ZNF385D: variants seen among roughly 807,000 people sequenced by gnomAD.
ZNF385D encodes the protein zinc finger protein 385D, also known as zinc finger protein 659.
In ZNF385D, 15 loss-of-function variants were observed where a neutral mutation model predicts 35.8. The observed-to-expected ratio is 0.42, with a 90% CI of 0.28 to 0.64. ZNF385D has a LOEUF of 0.64. Ranked by LOEUF, ZNF385D falls within the 30% of genes least tolerant of loss-of-function variation. ZNF385D has a pLI of 0.23. For missense variants in ZNF385D, 474 were observed against 494.6 expected (o/e 0.96, Z 0.39); for synonymous variants, 212 against 186.8 (o/e 1.13, Z -1.10).
intron 2 of ZNF385D, among the ~76,000 whole-genome samples, chr3:21,593,343 A>G (rs1390806100): frequency 6.6e-6 from 1 of 152,120 alleles, no homozygotes; most frequent in Non-Finnish European, 1.5e-5. Flanking sequence ...CTCACTTCCT[A>G]GACAAATCTT....
chr3:22,170,627 T>C lies in ZNF385D; in HGVS notation c.107-1592A>G, dbSNP rs145857228. On this transcript the variant is annotated intron_variant, in intron 2 of 5. Coordinates refer to the ZNF385D transcript ENST00000494108. ...AAATAATTTAAATATGCAATTTAAATGGTCATTTTAAAAGAAAATTTATAG... is the reference window on the plus strand; with the variant it reads ...AAATAATTTAAATATGCAATTTAAACGGTCATTTTAAAAGAAAATTTATAG... 5.6e-3 allele frequency among the ~76,000 whole-genome samples: 849 copies of C among 152,302 alleles called. 4 individuals are homozygous for C. The highest frequency in any genetic ancestry group is 0.019 in the African/African-American group (791 of 41,586).
intron 1 of ZNF385D, among the ~76,000 whole-genome samples, chr3:21,674,532 A>C (rs1192655689): frequency 2.0e-5 from 3 of 152,088 alleles, no homozygotes; most frequent in African/African-American, 7.2e-5. Flanking sequence ...AACCCCTGAA[A>C]GCATAGTAAG....
At chr3:21,911,286 G>A (rs1296494202) in intron 3 of ZNF385D, among the ~76,000 whole-genome samples, 1 of 151,930 alleles carries the variant, frequency 6.6e-6, no homozygotes, top group Non-Finnish European at 1.5e-5. Flanking sequence ...TTTAGCACAT[G>A]TTGTAAGAAA....
intron 3 of ZNF385D, among the ~76,000 whole-genome samples, chr3:21,985,298 T>A (rs1694743023): frequency 1.0e-5 from 1 of 97,382 alleles, no homozygotes; most frequent in East Asian, 2.5e-4. Context: ...ATATTGGCTG[T>A]GGGTTTGTCA....
chr3:21,911,177 C>G (rs754403459), intron 3 of ZNF385D, among the ~76,000 whole-genome samples: 4 of 151,826 alleles, frequency 2.6e-5, no homozygotes, highest in Non-Finnish European at 4.4e-5. Flanking sequence ...GCTGGAAATA[C>G]TTGGGTAATT....
chr3:22,177,564 T>C lies in ZNF385D; in HGVS notation c.107-8529A>G, dbSNP rs1056490250. Among the ~76,000 whole-genome samples the C allele has an allele frequency of 4.6e-5, 7 of 152,328 alleles. No individual in the cohort carries two copies. The East Asian group carries it at 1.3e-3, about 29-fold the overall frequency. On this transcript the variant is annotated intron_variant, in intron 2 of 5. Coordinates refer to the ZNF385D transcript ENST00000494108. ...GAAGTTTGAGAAGAGAGAGATAATG[T>C]AGGCTAGACTGACTATGACTTTTTT...
rs558538665 is a variant in ZNF385D, at chr3:22,205,228, G to A, written c.107-36193C>T. Among the ~76,000 whole-genome samples the A allele has an allele frequency of 2.9e-4, 44 of 151,396 alleles. No individual in the cohort carries two copies. The East Asian group carries it at 3.7e-3, about 13-fold the overall frequency. On this transcript the variant is annotated intron_variant, in intron 2 of 5. Coordinates refer to the ZNF385D transcript ENST00000494108. ...AGTGACATGACAGGTTTAAAATGCCGAAGGAAAAAATATTTTATCCTAGAA... is the reference window on the plus strand; with the variant it reads ...AGTGACATGACAGGTTTAAAATGCCAAAGGAAAAAATATTTTATCCTAGAA...
At chr3:22,033,199 C>A (rs13067918) in intron 3 of ZNF385D, among the ~76,000 whole-genome samples, 143 of 151,768 alleles carry the variant, frequency 9.4e-4, no homozygotes, top group Admixed American at 3.0e-3. Context: ...CTCAGGCATT[C>A]GAGACCAAAC....
intron 3 of ZNF385D, among the ~76,000 whole-genome samples, chr3:21,892,963 T>C (rs181553240): frequency 1.7e-3 from 258 of 152,280 alleles, no homozygotes; most frequent in Non-Finnish European, 1.9e-3. Context: ...ATTGCGTGTA[T>C]GTATTTGGTC....
At chr3:22,284,751 T>G (rs1364341945) in intron 2 of ZNF385D, among the ~76,000 whole-genome samples, 2 of 152,114 alleles carry the variant, frequency 1.3e-5, no homozygotes, top group Non-Finnish European at 2.9e-5. Context: ...TTCATTCTTA[T>G]GAAAATAAAT....
At chr3:22,157,286 C>G (rs535680187) in intron 3 of ZNF385D, among the ~76,000 whole-genome samples, 2 of 152,206 alleles carry the variant, frequency 1.3e-5, no homozygotes, top group Admixed American at 1.3e-4. Flanking sequence ...ATTAATTATA[C>G]ACAGAATTTT....
chr3:21,864,913 T>C (rs1697255367), intron 3 of ZNF385D, among the ~76,000 whole-genome samples: 2 of 151,080 alleles, frequency 1.3e-5, no homozygotes, highest in African/African-American at 4.9e-5. Flanking sequence ...GAGTTTATAG[T>C]GCTACTTACC....
At chr3:21,573,538 C>T (rs375874415) in intron 2 of ZNF385D, among the ~76,000 whole-genome samples, 2 of 152,032 alleles carry the variant, frequency 1.3e-5, no homozygotes, top group South Asian at 2.1e-4. Context: ...GAGATAATTA[C>T]GAGGAAGTGT....
At chr3:22,270,332 A>C (rs897814795) in intron 2 of ZNF385D, among the ~76,000 whole-genome samples, 1 of 151,938 alleles carries the variant, frequency 6.6e-6, no homozygotes, top group East Asian at 1.9e-4. Context: ...AATTGAAGCT[A>C]TCCAACAGGG....
intron 2 of ZNF385D, among the ~76,000 whole-genome samples, chr3:22,197,653 A>C (rs1174868310): frequency 6.6e-6 from 1 of 152,022 alleles, no homozygotes; most frequent in East Asian, 1.9e-4. Flanking sequence ...TCCATACCAT[A>C]AACTCCAGTG....
chr3:21,839,140 GTCTT>G (rs1451032324), intron 3 of ZNF385D, among the ~76,000 whole-genome samples: 1 of 151,956 alleles, frequency 6.6e-6, no homozygotes, highest in Non-Finnish European at 1.5e-5. Flanking sequence ...TCTGTCCTTG[GTCTT>G]TCTAACTCCA....
At chr3:22,187,418 C>A (rs1325846775) in intron 2 of ZNF385D, among the ~76,000 whole-genome samples, 1 of 152,018 alleles carries the variant, frequency 6.6e-6, no homozygotes, top group Non-Finnish European at 1.5e-5. Flanking sequence ...TTAGAAAAAT[C>A]AACTTATAAA....
chr3:22,148,318 G>A lies in ZNF385D; in HGVS notation c.325+20499C>T, dbSNP rs924550315. On this transcript the variant is annotated intron_variant, in intron 3 of 5. Coordinates refer to the ZNF385D transcript ENST00000494108. ...AGTAGATTTGACTTAAATAAGTTGT[G>A]TTATTTCTTCTCTGTCATACCACCA... Among the ~76,000 whole-genome samples, 15 of 152,256 alleles carry A rather than the reference G, an allele frequency of 9.9e-5. 1 individual carries two copies. Among genetic ancestry groups the A allele is most frequent in the Admixed American group, 9.8e-4 (15 of 15,282 alleles).
At chr3:22,248,576 G>C (rs1427105844) in intron 2 of ZNF385D, among the ~76,000 whole-genome samples, 2 of 135,262 alleles carry the variant, frequency 1.5e-5, no homozygotes, top group Admixed American at 7.4e-5. Flanking sequence ...AGGAGGCAAG[G>C]CTTTTGGATT....
Sources: gnomAD v4.1 joint callset for allele counts (sites outside exome capture counted in the v4.1 genomes callset) on GRCh38, gnomAD v4.1.1 for gene constraint, MANE v1.5 for transcripts, NCBI Gene and HGNC (gene_info 2026-07-23, HGNC 2026-07-21) for gene names.